Variants in MARCHF5 observed in about 807,000 individuals in gnomAD.
The protein encoded by MARCHF5 is membrane associated ring-CH-type finger 5, also known as E3 ubiquitin-protein ligase MARCHF5.
MARCHF5 carries 5 observed loss-of-function variants against 36.5 expected under a neutral mutation model. The ratio of observed to expected loss-of-function variants is 0.14; its 90% CI spans 0.07 to 0.29. The LOEUF is 0.29. Ranked by LOEUF, MARCHF5 falls within the 10% of genes least tolerant of loss-of-function variation. MARCHF5 has a pLI of 1.00. For missense variants in MARCHF5, 179 were observed against 336.3 expected, an observed-to-expected ratio of 0.53 and a Z score of 3.66; for synonymous variants, 103 against 109.9, an observed-to-expected ratio of 0.94 and a Z score of 0.39.
At chr10:92,309,800 G>C (rs1843123148) in intron 1 of MARCHF5, among the ~76,000 whole-genome samples, 1 of 151,936 alleles carries the variant, frequency 6.6e-6, no homozygotes, top group South Asian at 2.1e-4. Context: ...TAAAATGGTA[G>C]ATTTTATGCT....
chr10:92,336,011 T>C (rs1035088887), intron 2 of MARCHF5, among the ~76,000 whole-genome samples: 2 of 152,180 alleles, frequency 1.3e-5, no homozygotes, highest in African/African-American at 2.4e-5. Flanking sequence ...ACAAAGATCA[T>C]TTTCCCTTTG....
intron 1 of MARCHF5, among the ~76,000 whole-genome samples, chr10:92,295,871 A>G (rs1247899660): frequency 2.0e-5 from 3 of 151,694 alleles, no homozygotes; most frequent in Admixed American, 1.3e-4. Flanking sequence ...ATACATATAT[A>G]TATGGAATTT....
chr10:92,328,822 T>TATA (rs1491512830), intron 2 of MARCHF5, among the ~76,000 whole-genome samples: 228 of 52,756 alleles, frequency 4.3e-3, no homozygotes, highest in African/African-American at 0.012. Flanking sequence ...TATATATATA[T>TATA]TTTTTTTTTT....
rs10552774 is a variant in MARCHF5, at chr10:92,351,901, CGT to C, written c.*731_*732del. Reference sequence around the variant, plus strand: ...ATGAAGTAATTTTGACTCATGCAGTCGTGTGTGTGTGTGTGTGTGTGTGTGTG... The same window carrying C: ...ATGAAGTAATTTTGACTCATGCAGTCGTGTGTGTGTGTGTGTGTGTGTGTG... On this transcript the variant is annotated 3_prime_UTR_variant, in exon 6 of 6. Transcript: ENST00000358935. 44,341 of 141,052 alleles carry C rather than the reference CGT, an allele frequency of 0.31. 7,107 individuals carry two copies. Among genetic ancestry groups the C allele is most frequent in the South Asian group, 0.5 (2,107 of 4,202 alleles). 8.7% of individuals were successfully genotyped at this position (141,052 alleles called of 1,614,324 possible). A position where few individuals can be genotyped will look rare whatever the true frequency, so the allele number is the denominator to read the frequency against.
rs528956313 is a variant in MARCHF5, at chr10:92,298,920, C to T, written c.35+7391C>T. Among the ~76,000 whole-genome samples the T allele has an allele frequency of 9.3e-4, 142 of 151,890 alleles. 3 individuals carry two copies. The South Asian group carries it at 0.028, about 30-fold the overall frequency. On this transcript the variant is annotated intron_variant, in intron 1 of 5. Transcript: ENST00000358935. ...AAACAGGGTCTTGCACTCCCAGGCT[C>T]AAGCCTCCCAAGTAGCTAGGAGCAC...
intron 3 of MARCHF5, among the ~76,000 whole-genome samples, chr10:92,345,615 C>T (rs986845876): frequency 6.6e-6 from 1 of 151,888 alleles, no homozygotes; most frequent in African/African-American, 2.4e-5. Flanking sequence ...TAGCTTTTAG[C>T]CCTTCTGCAG....
intron 1 of MARCHF5, among the ~76,000 whole-genome samples, chr10:92,302,301 C>G (rs1191524207): frequency 6.6e-6 from 1 of 152,092 alleles, no homozygotes; most frequent in Non-Finnish European, 1.5e-5. Flanking sequence ...TTTGATAGAT[C>G]CAGGTACTTT....
intron 1 of MARCHF5, 119 bp downstream of exon 1, chr10:92,291,648 G>A: frequency 7.2e-7 from 1 of 1,391,472 alleles, no homozygotes; most frequent in Non-Finnish European, 9.4e-7. Flanking sequence ...TCCACGGCCA[G>A]GGGGCCGTGA....
In MARCHF5 at chr10:92,353,767, T is replaced by C. The variant is rs991373328; in HGVS notation, c.*2560T>C. On this transcript the variant is annotated 3_prime_UTR_variant, in exon 6 of 6. Coordinates refer to ENST00000358935, the MANE Select transcript of MARCHF5 (RefSeq NM_017824.5). ...CTAGAATTCTTTTCAAAAGTTAACT[T>C]ATCTCCAAAGTGGCTGAAAATATTG... 2.6e-5 allele frequency: 4 copies of C among 152,622 alleles called. No homozygotes were observed. The highest frequency in any genetic ancestry group is 9.6e-5 in the African/African-American group (4 of 41,456). 9.5% of individuals were successfully genotyped at this position (152,622 alleles called of 1,614,324 possible).
chr10:92,310,651 T>C (rs767715973), intron 1 of MARCHF5, among the ~76,000 whole-genome samples: 2 of 151,036 alleles, frequency 1.3e-5, no homozygotes, highest in African/African-American at 4.8e-5. Flanking sequence ...GAAAAATGGG[T>C]TTTTTTTTCC....
intron 1 of MARCHF5, 66 bp from the exon 2 acceptor site, chr10:92,311,069 C>T (rs1649085800): frequency 1.7e-6 from 2 of 1,162,538 alleles, no homozygotes; most frequent in East Asian, 4.8e-5. Context: ...TAAGTAAGAG[C>T]TGCAGTATAG....
At chr10:92,300,796 C>A (rs1256063967) in intron 1 of MARCHF5, among the ~76,000 whole-genome samples, 1 of 151,950 alleles carries the variant, frequency 6.6e-6, no homozygotes, top group Non-Finnish European at 1.5e-5. Flanking sequence ...TTAGGTTCTG[C>A]CTTGTTTATA....
intron 1 of MARCHF5, among the ~76,000 whole-genome samples, chr10:92,291,948 A>G (rs1174960826): frequency 1.1e-4 from 17 of 151,868 alleles, no homozygotes; most frequent in Admixed American, 1.1e-3. Flanking sequence ...TCTGAGAACC[A>G]ATGATAAGCA....
chr10:92,324,927 T>C (rs114798667), intron 2 of MARCHF5, among the ~76,000 whole-genome samples: 544 of 152,314 alleles, frequency 3.6e-3, no homozygotes, highest in African/African-American at 0.012. Context: ...GAATGTTCCA[T>C]GTGCACTTGA....
chr10:92,344,626 T>G (rs1843619512), intron 3 of MARCHF5, among the ~76,000 whole-genome samples: 1 of 152,226 alleles, frequency 6.6e-6, no homozygotes, highest in Non-Finnish European at 1.5e-5. Flanking sequence ...CAGTAGTATT[T>G]AGGGTTTGCC....
chr10:92,303,191 A>G (rs1246760570), intron 1 of MARCHF5, among the ~76,000 whole-genome samples: 1 of 152,212 alleles, frequency 6.6e-6, no homozygotes, highest in African/African-American at 2.4e-5. Flanking sequence ...CTGTTTGATC[A>G]GATAGACTGT....
At position 92,291,167 on chromosome 10, in the gene MARCHF5, A is replaced by C. The variant is rs1719312321; in HGVS notation, c.-328A>C. The C allele has an allele frequency of 4.4e-6, 2 of 453,934 alleles. No individual in the cohort carries two copies. Among genetic ancestry groups the C allele is most frequent in the African/African-American group, 4.2e-5 (2 of 47,246 alleles). The allele number at this position is 453,934 out of a possible 1,614,324, so 28.1% of individuals were successfully genotyped here. ...GGCGCGCACGGAGGCGGCGACTCTT[A>C]CCTCACAAAGGTAGCTCCTCCGCCG... On this transcript the variant is annotated 5_prime_UTR_variant, in exon 1 of 6. Coordinates refer to ENST00000358935, the MANE Select transcript of MARCHF5 (RefSeq NM_017824.5).
At chr10:92,327,702 G>A (rs1179364389) in intron 2 of MARCHF5, among the ~76,000 whole-genome samples, 1 of 152,128 alleles carries the variant, frequency 6.6e-6, no homozygotes, top group Non-Finnish European at 1.5e-5. Context: ...AGTTATATCT[G>A]CTGCCTTAGC....
chr10:92,294,320 A>T (rs937081198), intron 1 of MARCHF5, among the ~76,000 whole-genome samples: 3 of 152,234 alleles, frequency 2.0e-5, no homozygotes, highest in Admixed American at 6.5e-5. Flanking sequence ...ACCCTACTTC[A>T]CAGGGCTACA....
Sources: gnomAD v4.1 joint callset for allele counts (sites outside exome capture counted in the v4.1 genomes callset) on GRCh38, gnomAD v4.1.1 for gene constraint, MANE v1.5 for transcripts, NCBI Gene and HGNC (gene_info 2026-07-23, HGNC 2026-07-21) for gene names.